Variants in LMTK2 observed in about 807,000 individuals in gnomAD.
The protein encoded by LMTK2 is lemur tail kinase 2.
LMTK2 carries 37 observed loss-of-function variants against 127.5 expected under a neutral mutation model. The ratio of observed to expected loss-of-function variants is 0.29; its 90% CI spans 0.22 to 0.38. The LOEUF (loss-of-function observed/expected upper bound fraction) is 0.38. LMTK2 is among the 10% of genes least tolerant of loss of function. LMTK2 has a pLI of 1.00. For missense variants in LMTK2, 1,694 were observed against 1,920.3 expected, an observed-to-expected ratio of 0.88 and a Z score of 2.20; for synonymous variants, 819 against 810.1, an observed-to-expected ratio of 1.01 and a Z score of -0.19.
At chr7:98,181,023 C>T (rs1008909420) in intron 7 of LMTK2, among the ~76,000 whole-genome samples, 7 of 152,034 alleles carry the variant, frequency 4.6e-5, no homozygotes, top group East Asian at 3.9e-4. Context: ...AGCCCTTCTG[C>T]GCCACAGTGA....
At chr7:98,126,378 A>T (rs1447927410) in intron 1 of LMTK2, among the ~76,000 whole-genome samples, 5 of 152,164 alleles carry the variant, frequency 3.3e-5, no homozygotes, top group Non-Finnish European at 7.4e-5. Flanking sequence ...TCTGGCTCTG[A>T]GTCTCTCCTT....
At chr7:98,155,887 A>G (rs1273455844) in intron 5 of LMTK2, among the ~76,000 whole-genome samples, 1 of 152,206 alleles carries the variant, frequency 6.6e-6, no homozygotes, top group Non-Finnish European at 1.5e-5. Context: ...CATCAAAATT[A>G]AAAACATTTG....
Position 98,207,571 on chromosome 7 carries a change from A to T in LMTK2, c.*2079A>T, listed in dbSNP as rs1288462251. 14 of 151,950 alleles carry T rather than the reference A, an allele frequency of 9.2e-5. No individual in the cohort carries two copies. The East Asian group carries it at 2.3e-3, about 25-fold the overall frequency. 9.4% of individuals were successfully genotyped at this position (151,950 alleles called of 1,614,324 possible). On this transcript the variant is annotated 3_prime_UTR_variant, in exon 14 of 14. Transcript: ENST00000297293. ...TTTGCCAAAATTGTCATGACTCTGA[A>T]TTCTTGCTGTGGGGACTTCCTGAGT...
In LMTK2 at chr7:98,159,333, C is replaced by G. The variant is rs74686270; in HGVS notation, c.570-5C>G. 5 of 1,588,002 alleles carry G rather than the reference C, an allele frequency of 3.1e-6. No homozygotes were observed. The highest frequency in any genetic ancestry group is 1.4e-5 in the African/African-American group (1 of 73,922). ...GAACAATATTATGGCTTTTATTTTTCCCAGCATTCTTCAGCATCCAAATAT... is the reference window on the plus strand; with the variant it reads ...GAACAATATTATGGCTTTTATTTTTGCCAGCATTCTTCAGCATCCAAATAT... On this transcript the variant is annotated splice_region_variant and splice_polypyrimidine_tract_variant and intron_variant, in intron 5 of 13. Transcript: ENST00000297293.
At position 98,123,132 on chromosome 7, in the gene LMTK2, C is replaced by G. The variant is rs569926137; in HGVS notation, c.104-14183C>G. ...CCCTGCTGCTGGCTCCCAGTGGCAA[C>G]GCCCTGCAGCTCTTTTAGCCACATT... On this transcript the variant is annotated intron_variant, in intron 1 of 13. Transcript: ENST00000297293. 2.0e-5 allele frequency among the ~76,000 whole-genome samples: 3 copies of G among 149,102 alleles called. No homozygotes were observed. In the East Asian group the frequency reaches 5.8e-4, roughly 29 times the overall value.
At chr7:98,140,082 C>CTTTT (rs1796654606) in intron 2 of LMTK2, among the ~76,000 whole-genome samples, 1 of 1,838 alleles carries the variant, frequency 5.4e-4, no homozygotes, top group African/African-American at 1.3e-3. Context: ...CCACAACTTT[C>CTTTT]TTTCTTTCTT....
chr7:98,205,408 T>C (rs1797774973), intron 13 of LMTK2, 56 bp from the exon 14 acceptor site: 1 of 1,609,104 alleles, frequency 6.2e-7, no homozygotes, highest in African/African-American at 1.3e-5. Context: ...ACGCCATGCC[T>C]GTCTGATCAT....
At chr7:98,190,906 G>C in intron 10 of LMTK2, 29 bp downstream of exon 10, 1 of 1,606,954 alleles carries the variant, frequency 6.2e-7, no homozygotes, top group South Asian at 1.1e-5. Context: ...CGCCTGTTCT[G>C]TTTCGTCTTC....
chr7:98,201,650 C>CACT (rs1433616634), intron 11 of LMTK2, among the ~76,000 whole-genome samples: 1 of 151,880 alleles, frequency 6.6e-6, no homozygotes, highest in African/African-American at 2.4e-5. Flanking sequence ...CTTGCTCTGT[C>CACT]ACTAGCTGGA....
intron 11 of LMTK2, among the ~76,000 whole-genome samples, chr7:98,202,449 TTGAGG>T (rs1426259942): frequency 6.6e-6 from 1 of 152,206 alleles, no homozygotes; most frequent in African/African-American, 2.4e-5. Context: ...CCCAGGTAAA[TTGAGG>T]TGTTCCTGGT....
chr7:98,181,893 G>A (rs1486902360), intron 7 of LMTK2, among the ~76,000 whole-genome samples: 1 of 152,174 alleles, frequency 6.6e-6, no homozygotes, highest in Non-Finnish European at 1.5e-5. Flanking sequence ...TCTTGACCTT[G>A]TGATCTGCCT....
At chr7:98,120,222 G>A (rs1796342646) in intron 1 of LMTK2, among the ~76,000 whole-genome samples, 1 of 152,154 alleles carries the variant, frequency 6.6e-6, no homozygotes, top group Non-Finnish European at 1.5e-5. Flanking sequence ...TGAGAGAGGA[G>A]CTGCTCTTAT....
intron 7 of LMTK2, among the ~76,000 whole-genome samples, chr7:98,182,842 A>G (rs1302673063): frequency 6.6e-6 from 1 of 152,214 alleles, no homozygotes; most frequent in African/African-American, 2.4e-5. Context: ...TGTAAACTAA[A>G]AATAAAACTT....
In LMTK2 at chr7:98,107,258, G is replaced by A. The variant is rs1262850915; in HGVS notation, c.81G>A (p.Ala27=). 1 of 1,431,256 alleles carries A rather than the reference G, an allele frequency of 7.0e-7. No homozygotes were observed. Among genetic ancestry groups the A allele is most frequent in the Admixed American group, 2.9e-5 (1 of 35,006 alleles). The allele number at this position is 1,431,256 out of a possible 1,614,324, so 88.7% of individuals were successfully genotyped here. Residue 27 remains alanine, a synonymous_variant, in exon 1 of 14, where the codon GCG becomes GCA. Coordinates refer to ENST00000297293, the MANE Select transcript of LMTK2 (RefSeq NM_014916.4). The stretch of plus-strand genomic sequence containing the variant: ...TGATCGCCGGCAGTGCTGGGGCCGC[G>A]CCACTTCCGCAAACAGGTGCAGGTG... The part of the protein sequence containing the change: ...VLLIAGSAGA[A]PLPQTGAGEA...
intron 1 of LMTK2, among the ~76,000 whole-genome samples, chr7:98,109,074 C>A (rs7801333): frequency 0.014 from 2,175 of 151,910 alleles, 51 homozygotes; most frequent in African/African-American, 0.05. Context: ...TTGGCCAGGC[C>A]GGTCTTGAAC....
chr7:98,115,531 C>T (rs759042179), intron 1 of LMTK2, among the ~76,000 whole-genome samples: 8 of 151,648 alleles, frequency 5.3e-5, no homozygotes, highest in African/African-American at 1.5e-4. Context: ...GGTTTTGGGC[C>T]GGGTGCTGTG....
intron 1 of LMTK2, among the ~76,000 whole-genome samples, chr7:98,123,035 T>A (rs756962826): frequency 4.1e-4 from 62 of 152,144 alleles, no homozygotes; most frequent in Non-Finnish European, 7.6e-4. Flanking sequence ...TAAATAGTTT[T>A]AAAAAATTAA....
At chr7:98,196,759 A>G (rs1267558831) in intron 11 of LMTK2, among the ~76,000 whole-genome samples, 2 of 152,194 alleles carry the variant, frequency 1.3e-5, no homozygotes, top group South Asian at 4.1e-4. Flanking sequence ...AGGGCACTCT[A>G]GTTATGGGAT....
chr7:98,109,669 A>G (rs1796169549), intron 1 of LMTK2, among the ~76,000 whole-genome samples: 3 of 149,392 alleles, frequency 2.0e-5, no homozygotes, highest in Admixed American at 6.9e-5. Context: ...GCTTGCACCC[A>G]GGGAGCGGAG....
Sources: allele counts gnomAD v4.1 joint callset (sites outside exome capture counted in the v4.1 genomes callset), GRCh38; gene constraint gnomAD v4.1.1; transcripts MANE v1.5; gene names NCBI Gene and HGNC (gene_info 2026-07-23, HGNC 2026-07-21).